EI24: variants seen among roughly 807,000 people sequenced by gnomAD.
EI24 encodes EI24 autophagy associated transmembrane protein, also known as etoposide-induced protein 2.4 homolog.
Under a neutral mutation model 48.6 loss-of-function variants are expected in EI24, and 21 were observed. That is an observed-to-expected ratio of 0.43 (90% CI 0.31 to 0.62). The LOEUF (loss-of-function observed/expected upper bound fraction) is 0.62, where lower values mean the gene tolerates loss of function less well. EI24 is among the 20% of genes least tolerant of loss of function. EI24 has a pLI of 0.10. For missense variants in EI24, 280 were observed against 410.5 expected (o/e 0.68, Z 2.75); for synonymous variants, 114 against 145.5 (o/e 0.78, Z 1.56).
At position 125,575,857 on chromosome 11, in the gene EI24, C is replaced by T. The variant is rs1169564450; in HGVS notation, c.189-398C>T. On this transcript the variant is annotated intron_variant, in intron 3 of 10. Transcript: ENST00000278903. The stretch of plus-strand genomic sequence containing the variant: ...ACCTGAGATTGCCGTGGTGCAATCT[C>T]AGCTTACTGCAGCCTCTGCCTCCCA... 5 of 397,326 alleles carry T rather than the reference C, an allele frequency of 1.3e-5. No homozygotes were observed. In the East Asian group the frequency reaches 3.9e-4, roughly 31 times the overall value. 24.6% of individuals were successfully genotyped at this position (397,326 alleles called of 1,614,324 possible).
chr11:125,571,395 T>C (rs1938528065), intron 1 of EI24, among the ~76,000 whole-genome samples: 1 of 152,192 alleles, frequency 6.6e-6, no homozygotes, highest in South Asian at 2.1e-4. Context: ...TTACAAGTAT[T>C]TCTCACATGA....
intron 3 of EI24, 137 bp from the exon 4 acceptor site, chr11:125,576,118 C>A: frequency 2.4e-6 from 2 of 841,080 alleles, no homozygotes; most frequent in Admixed American, 2.3e-5. Flanking sequence ...CATTGACTGA[C>A]ATTAGAACAT....
chr11:125,581,462 G>T, intron 9 of EI24, 140 bp downstream of exon 9: 9 of 335,538 alleles, frequency 2.7e-5, no homozygotes, highest in South Asian at 4.5e-5. Flanking sequence ...TTCTACATTT[G>T]TTAGCATGAA....
chr11:125,577,393 C>A (rs1309577456), intron 4 of EI24, 111 bp from the exon 5 acceptor site: 3 of 1,083,390 alleles, frequency 2.8e-6, no homozygotes, highest in East Asian at 2.4e-5. Context: ...CCGGCCTAGG[C>A]CTCCTGATTT....
Position 125,583,822 on chromosome 11 carries a change from T to C in EI24, c.*139T>C, listed in dbSNP as rs756353666. ...TGCGTATTCCCTTCTCTCTGAGGAA[T>C]TGAAATTTTTGTCTCTGGTGCACGT... is the stretch of plus-strand genomic sequence containing the variant. On this transcript the variant is annotated 3_prime_UTR_variant, in exon 11 of 11. Coordinates refer to ENST00000278903, the MANE Select transcript of EI24 (RefSeq NM_004879.5). The C allele has an allele frequency of 1.5e-4, 179 of 1,218,326 alleles. No homozygotes were observed. The East Asian group carries it at 2.8e-3, about 19-fold the overall frequency. The allele number at this position is 1,218,326 out of a possible 1,614,324, so 75.5% of individuals were successfully genotyped here.
chr11:125,578,045 C>G, intron 5 of EI24, 88 bp from the exon 6 acceptor site: 6 of 1,506,638 alleles, frequency 4.0e-6, no homozygotes, highest in Non-Finnish European at 5.5e-6. Flanking sequence ...CAGGAGGAGA[C>G]AGAGAATAGT....
Position 125,569,549 on chromosome 11 carries a change from C to A in EI24, c.-95C>A. ...GCCTGCGGTGGGCTAGGGGCAGGGCCGGAGCCGCGGCGGCGGAGCTGTGGG... is the reference window on the plus strand; with the variant it reads ...GCCTGCGGTGGGCTAGGGGCAGGGCAGGAGCCGCGGCGGCGGAGCTGTGGG... On this transcript the variant is annotated 5_prime_UTR_variant, in exon 1 of 11. Transcript: ENST00000278903. 2.7e-6 allele frequency: 1 copy of A among 373,920 alleles called. No homozygotes were observed. Among genetic ancestry groups the A allele is most frequent in the Non-Finnish European group, 4.8e-6 (1 of 210,242 alleles). 23.2% of individuals were successfully genotyped at this position (373,920 alleles called of 1,614,324 possible).
intron 5 of EI24, 65 bp from the exon 6 acceptor site, chr11:125,578,068 G>A: frequency 6.3e-7 from 1 of 1,597,034 alleles, no homozygotes; most frequent in South Asian, 1.1e-5. Flanking sequence ...CGAGATGGGG[G>A]TTCCGCATTT....
chr11:125,569,546 G>T lies in EI24; in HGVS notation c.-98G>T. The T allele has an allele frequency of 2.7e-6, 1 of 375,024 alleles. No individual in the cohort carries two copies. Among genetic ancestry groups the T allele is most frequent in the South Asian group, 1.4e-4 (1 of 7,242 alleles). 23.2% of individuals were successfully genotyped at this position (375,024 alleles called of 1,614,324 possible). On this transcript the variant is annotated 5_prime_UTR_variant, in exon 1 of 11. Coordinates refer to ENST00000278903, the MANE Select transcript of EI24 (RefSeq NM_004879.5). ...CTGGCCTGCGGTGGGCTAGGGGCAG[G>T]GCCGGAGCCGCGGCGGCGGAGCTGT... is the stretch of plus-strand genomic sequence containing the variant.
intron 4 of EI24, among the ~76,000 whole-genome samples, 175 bp downstream of exon 4, chr11:125,576,490 A>G (rs1938751288): frequency 6.6e-6 from 1 of 152,256 alleles, no homozygotes; most frequent in South Asian, 2.1e-4. Flanking sequence ...CACTCAGGAA[A>G]GCACACTTAT....
intron 4 of EI24, among the ~76,000 whole-genome samples, 175 bp from the exon 5 acceptor site, chr11:125,577,328 GT>G (rs1565329303): frequency 6.6e-6 from 1 of 152,166 alleles, no homozygotes; most frequent in African/African-American, 2.4e-5. Flanking sequence ...CTGACCTCAA[GT>G]GATCTGCCTG....
At chr11:125,577,970 C>T (rs1938817654) in intron 5 of EI24, 163 bp from the exon 6 acceptor site, 8 of 751,390 alleles carry the variant, frequency 1.1e-5, no homozygotes, top group African/African-American at 7.1e-5. Context: ...GAATGTGGTG[C>T]GTCTATTATG....
At chr11:125,577,831 G>T in intron 5 of EI24, 1 of 562,650 alleles carries the variant, frequency 1.8e-6, no homozygotes, top group Non-Finnish European at 3.1e-6. Context: ...GCAAAGCTGA[G>T]ATTTAAACCC....
intron 1 of EI24, 115 bp from the exon 2 acceptor site, chr11:125,572,343 T>G (rs1591352619): frequency 1.6e-6 from 1 of 614,376 alleles, no homozygotes; most frequent in African/African-American, 1.8e-5. Flanking sequence ...AGTGCTAGAA[T>G]CTACTGCTAT....
At chr11:125,575,771 C>A in intron 3 of EI24, 1 of 260,304 alleles carries the variant, frequency 3.8e-6, no homozygotes, top group Non-Finnish European at 7.7e-6. Context: ...AAGCTGGTTC[C>A]ATATATATAC....
At chr11:125,574,995 G>A (rs540140610) in intron 2 of EI24, among the ~76,000 whole-genome samples, 1 of 152,126 alleles carries the variant, frequency 6.6e-6, no homozygotes, top group Non-Finnish European at 1.5e-5. Flanking sequence ...GGAGGCTTAG[G>A]CAGGAGGATT....
chr11:125,575,330 G>A lies in EI24; in HGVS notation c.110G>A (p.Arg37Lys), dbSNP rs1938694921. 6.4e-7 allele frequency: 1 copy of A among 1,573,320 alleles called. No homozygotes were observed. Among genetic ancestry groups the A allele is most frequent in the African/African-American group, 1.4e-5 (1 of 73,958 alleles). ...CTAGATGCTCGAATCCAGCAAAAGA[G>A]AGAGGAGCAGCGTCGAAGAAGGGCA... ...SKLDARIQQKREEQRRRRASS... is the reference protein window; with the variant it reads ...SKLDARIQQKKEEQRRRRASS... The change falls in exon 3 of 11, where the codon AGA becomes AAA. Residue 37 changes from arginine to lysine, a missense_variant. By Grantham distance (26) the Arg-to-Lys change is conservative. Coordinates refer to ENST00000278903, the MANE Select transcript of EI24 (RefSeq NM_004879.5).
rs758787371 is a variant in EI24 at position 125,578,168 on chromosome 11, C to T, written c.352C>T (p.Leu118=). The change falls in exon 6 of 11, where the codon CTG becomes TTG. Residue 118 remains leucine, a synonymous_variant. Transcript: ENST00000278903. Reference sequence around the variant, plus strand: ...ACTACATGGAGATGTTTGGTCGTGGCTGGAATTCTTCCTCACGTCAATTTT... The same window carrying T: ...ACTACATGGAGATGTTTGGTCGTGGTTGGAATTCTTCCTCACGTCAATTTT... ...PSLHGDVWSW[L]EFFLTSIFSA... The T allele has an allele frequency of 7.4e-6, 12 of 1,613,664 alleles. No homozygotes were observed. The East Asian group carries it at 2.2e-4, about 30-fold the overall frequency.
chr11:125,571,599 G>A (rs1467623995), intron 1 of EI24, among the ~76,000 whole-genome samples: 1 of 152,158 alleles, frequency 6.6e-6, no homozygotes, highest in Admixed American at 6.5e-5. Flanking sequence ...AAGACCAGCC[G>A]GGCGTGGTGG....
Sources: allele counts gnomAD v4.1 joint callset (sites outside exome capture counted in the v4.1 genomes callset), GRCh38; gene constraint gnomAD v4.1.1; transcripts MANE v1.5; gene names NCBI Gene and HGNC (gene_info 2026-07-23, HGNC 2026-07-21).